RGS21: variants seen among roughly 807,000 people sequenced by gnomAD.
RGS21 encodes the protein regulator of G protein signaling 21.
RGS21 carries 19 observed loss-of-function variants against 18.7 expected under a neutral mutation model. That is an observed-to-expected ratio of 1.01 (90% CI 0.71 to 1.49). RGS21 has a LOEUF of 1.49. Among genes scored for constraint, RGS21 ranks in the 40% most tolerant of loss-of-function variants. The pLI is 0.00. For missense variants in RGS21, 194 were observed against 176.8 expected, an observed-to-expected ratio of 1.10 and a Z score of -0.55; for synonymous variants, 56 against 57.8, an observed-to-expected ratio of 0.97 and a Z score of 0.14.
chr1:192,341,693 A>G (rs1443391647), intron 1 of RGS21, among the ~76,000 whole-genome samples: 1 of 151,866 alleles, frequency 6.6e-6, no homozygotes, highest in Non-Finnish European at 1.5e-5. Flanking sequence ...AGAAATTTAA[A>G]TTTTTGTTTT....
chr1:192,335,441 G>A (rs561803824), intron 1 of RGS21, among the ~76,000 whole-genome samples: 10 of 152,034 alleles, frequency 6.6e-5, no homozygotes, highest in African/African-American at 1.9e-4. Context: ...CTCATTTTTG[G>A]TTACTCATTT....
intron 1 of RGS21, among the ~76,000 whole-genome samples, chr1:192,324,778 G>A (rs559670326): frequency 5.3e-5 from 8 of 151,958 alleles, no homozygotes; most frequent in South Asian, 2.1e-4. Context: ...TCCTAACTTC[G>A]ATGTTAAAAA....
intron 3 of RGS21, among the ~76,000 whole-genome samples, chr1:192,350,925 A>G (rs1659031925): frequency 6.6e-6 from 1 of 152,178 alleles, no homozygotes; most frequent in African/African-American, 2.4e-5. Flanking sequence ...AGCAAGGGAT[A>G]TAAGTGTAAA....
chr1:192,361,626 A>G (rs1247466287), intron 4 of RGS21, among the ~76,000 whole-genome samples: 2 of 152,022 alleles, frequency 1.3e-5, no homozygotes, highest in East Asian at 3.9e-4. Flanking sequence ...GCTGACTGCA[A>G]CCTCCAACTC....
chr1:192,324,118 C>T (rs190579491), intron 1 of RGS21, among the ~76,000 whole-genome samples: 3 of 152,020 alleles, frequency 2.0e-5, no homozygotes, highest in Non-Finnish European at 2.9e-5. Context: ...TCCACAGACA[C>T]ATGTTTATTT....
chr1:192,342,908 C>A, intron 1 of RGS21, 69 bp from the exon 2 acceptor site: 3 of 863,446 alleles, frequency 3.5e-6, no homozygotes, highest in Non-Finnish European at 5.7e-6. Flanking sequence ...TAAAGAATGC[C>A]AATTTGTAAC....
intron 1 of RGS21, among the ~76,000 whole-genome samples, chr1:192,339,162 T>G (rs1658814332): frequency 6.6e-6 from 1 of 152,124 alleles, no homozygotes; most frequent in East Asian, 1.9e-4. Flanking sequence ...TATGGTGTTT[T>G]TCCCACAAAT....
At position 192,333,099 on chromosome 1, in the gene RGS21, A is replaced by G. The variant is rs113274370; in HGVS notation, c.-60-9878A>G. On this transcript the variant is annotated intron_variant, in intron 1 of 4. Coordinates refer to ENST00000417209, the MANE Select transcript of RGS21 (RefSeq NM_001039152.3). ...ACATCACGAGCTGTTAGGGAATTAAAATTAAGACCAAGATGAGTTATCACT... is the reference window on the plus strand; with the variant it reads ...ACATCACGAGCTGTTAGGGAATTAAGATTAAGACCAAGATGAGTTATCACT... Among the ~76,000 whole-genome samples the G allele has an allele frequency of 3.1e-3, 472 of 152,262 alleles. 3 individuals carry two copies. The highest frequency in any genetic ancestry group is 0.011 in the African/African-American group (439 of 41,562).
At chr1:192,332,301 A>G (rs1658668904) in intron 1 of RGS21, among the ~76,000 whole-genome samples, 1 of 152,180 alleles carries the variant, frequency 6.6e-6, no homozygotes, top group Non-Finnish European at 1.5e-5. Flanking sequence ...ATCAGTAATC[A>G]GTAAGATTGG....
intron 1 of RGS21, among the ~76,000 whole-genome samples, chr1:192,326,187 G>A (rs1190721015): frequency 1.3e-5 from 2 of 151,950 alleles, no homozygotes; most frequent in Non-Finnish European, 2.9e-5. Flanking sequence ...GGTTTGACAT[G>A]ACTTTAAAAT....
rs183757798 is a variant in RGS21, at chr1:192,321,604, C to A, written c.-61+4499C>A. Reference sequence around the variant, plus strand: ...GACACTTCATAAAAAGGAGCTAATTCTTATTGATTTTATTTTAATGCCATT... The same window carrying A: ...GACACTTCATAAAAAGGAGCTAATTATTATTGATTTTATTTTAATGCCATT... On this transcript the variant is annotated intron_variant, in intron 1 of 4. Coordinates refer to ENST00000417209, the MANE Select transcript of RGS21 (RefSeq NM_001039152.3). Among the ~76,000 whole-genome samples the A allele has an allele frequency of 8.1e-4, 123 of 151,980 alleles. 2 individuals carry two copies. The highest frequency in any genetic ancestry group is 2.8e-3 in the African/African-American group (117 of 41,512).
At chr1:192,364,897 C>A (rs776966477) in intron 4 of RGS21, among the ~76,000 whole-genome samples, 30 of 152,024 alleles carry the variant, frequency 2.0e-4, no homozygotes, top group Non-Finnish European at 3.5e-4. Context: ...CTGTGGGAGG[C>A]CGAGGCAGGC....
chr1:192,330,833 T>C (rs3905403), intron 1 of RGS21, among the ~76,000 whole-genome samples: 1 of 152,182 alleles, frequency 6.6e-6, no homozygotes, highest in Non-Finnish European at 1.5e-5. Context: ...ACTACAAGTA[T>C]AGTTAAGTCA....
intron 3 of RGS21, among the ~76,000 whole-genome samples, chr1:192,347,893 C>G (rs1431379745): frequency 1.3e-5 from 2 of 151,990 alleles, no homozygotes; most frequent in African/African-American, 2.4e-5. Flanking sequence ...CTCCTGACCT[C>G]AGGTGATCCA....
Position 192,347,352 on chromosome 1 carries a change from A to G in RGS21, c.51A>G (p.Thr17=), listed in dbSNP as rs757581073. The change falls in exon 3 of 5, where the codon ACA becomes ACG. Residue 17 remains threonine (T), a synonymous_variant. Coordinates refer to ENST00000417209, the MANE Select transcript of RGS21 (RefSeq NM_001039152.3). ...GGTCACCAACTGCGGAAACAATGAC[A>G]TGGTCTGAAAATATGGACACGCTTT... ...FYRSPTAETM[T]WSENMDTLLA... 4 of 1,608,054 alleles carry G rather than the reference A, an allele frequency of 2.5e-6. No individual in the cohort carries two copies. The highest frequency in any genetic ancestry group is 1.3e-5 in the African/African-American group (1 of 74,944).
chr1:192,344,653 C>T (rs1044510136), intron 2 of RGS21, among the ~76,000 whole-genome samples: 1 of 152,074 alleles, frequency 6.6e-6, no homozygotes, highest in African/African-American at 2.4e-5. Context: ...TAACTGGCAA[C>T]AAACAAGCAT....
chr1:192,317,957 C>T (rs1264970436), intron 1 of RGS21, among the ~76,000 whole-genome samples: 1 of 151,898 alleles, frequency 6.6e-6, no homozygotes, highest in South Asian at 2.1e-4. Context: ...TTTGTTTTGG[C>T]ATTTACTAGT....
At chr1:192,323,928 CA>C (rs11317028) in intron 1 of RGS21, among the ~76,000 whole-genome samples, 72,967 of 151,688 alleles carry the variant, frequency 0.48, 18,655 homozygotes, top group African/African-American at 0.64. Flanking sequence ...GAAATGTATT[CA>C]AAAAAAGTTG....
chr1:192,334,588 A>G (rs1421175030), intron 1 of RGS21, among the ~76,000 whole-genome samples: 2 of 152,120 alleles, frequency 1.3e-5, no homozygotes, highest in Non-Finnish European at 2.9e-5. Flanking sequence ...GTTGTAATAT[A>G]TGTAAGAAAC....
Sources: gnomAD v4.1 joint callset for allele counts (sites outside exome capture counted in the v4.1 genomes callset) on GRCh38, gnomAD v4.1.1 for gene constraint, MANE v1.5 for transcripts, NCBI Gene and HGNC (gene_info 2026-07-23, HGNC 2026-07-21) for gene names.